FER1L6: variants seen among roughly 807,000 people sequenced by gnomAD.
FER1L6 encodes the protein fer-1-like protein 6.
FER1L6 carries 177 observed loss-of-function variants against 219.2 expected under a neutral mutation model. That is an observed-to-expected ratio of 0.81 (90% CI 0.71 to 0.91). FER1L6 has a LOEUF of 0.91. FER1L6 is among the 40% of genes least tolerant of loss of function. The pLI, the probability that FER1L6 is intolerant of heterozygous loss-of-function variation, is 0.00. For missense variants in FER1L6, 2,153 were observed against 2,259.9 expected (o/e 0.95, Z 0.96); for synonymous variants, 768 against 824.3 (o/e 0.93, Z 1.17).
At chr8:124,036,091 A>G (rs1004042302) in intron 19 of FER1L6, 1 of 152,114 alleles carries the variant, frequency 6.6e-6, no homozygotes, top group African/African-American at 2.4e-5. Context: ...AATTACTTCC[A>G]TTTATGTTAT....
rs750628607 is a variant in FER1L6, at chr8:124,023,538, C to A, written c.2228C>A (p.Ser743Tyr). The change falls in exon 18 of 41, where the codon TCC (serine) becomes TAC (tyrosine). Residue 743 changes from serine to tyrosine, a missense_variant. Transcript: ENST00000522917. ...ATCGCCTCCAAAGACCTCCTCTATT[C>A]CCCTGTCGCGGGGCAGATGGGCAAA... ...ARIASKDLLY[S>Y]PVAGQMGKHC... The A allele has an allele frequency of 2.5e-6, 4 of 1,614,160 alleles. No homozygotes were observed. The highest frequency in any genetic ancestry group is 3.4e-6 in the Non-Finnish European group (4 of 1,180,000).
Position 124,066,642 on chromosome 8 carries a change from A to C in FER1L6, c.3678+92A>C, listed in dbSNP as rs987127889. 3.9e-5 allele frequency: 55 copies of C among 1,406,856 alleles called. 1 individual carries two copies. In the South Asian group the frequency reaches 6.6e-4, roughly 17 times the overall value. 87.1% of individuals were successfully genotyped at this position (1,406,856 alleles called of 1,614,324 possible). A position where few individuals can be genotyped will look rare whatever the true frequency, so the allele number is the denominator to read the frequency against. Reference sequence around the variant, plus strand: ...TAAGTCCTACATAACCTCCTTTTAAATGCCACTATACATAGACCCTACTCA... The same window carrying C: ...TAAGTCCTACATAACCTCCTTTTAACTGCCACTATACATAGACCCTACTCA... On this transcript the variant is annotated intron_variant, in intron 27 of 40. Transcript: ENST00000522917.
intron 33 of FER1L6, 46 bp downstream of exon 33, chr8:124,082,504 G>C (rs766462415): frequency 1.4e-5 from 22 of 1,569,970 alleles, no homozygotes; most frequent in Non-Finnish European, 1.9e-5. Context: ...TGAAGCTGTT[G>C]TAGCCTTTAG....
In FER1L6 at chr8:123,952,880, C is replaced by T. The variant is rs138347174; in HGVS notation, c.-7-3112C>T. 1.7e-4 allele frequency among the ~76,000 whole-genome samples: 26 copies of T among 152,312 alleles called. No homozygotes were observed. The East Asian group carries it at 2.1e-3, about 12-fold the overall frequency. On this transcript the variant is annotated intron_variant, in intron 1 of 40. Transcript: ENST00000522917. ...ATGAATATTGTGACACTTTGTAGCA[C>T]GCTTTACACTTGACAAACATTGTTT...
At chr8:124,022,037 C>T (rs1161625471) in intron 17 of FER1L6, among the ~76,000 whole-genome samples, 1 of 152,212 alleles carries the variant, frequency 6.6e-6, no homozygotes, top group East Asian at 1.9e-4. Flanking sequence ...ACGGTGTCTT[C>T]TGGTGACTTC....
chr8:123,906,663 G>C (rs1812958382), intron 1 of FER1L6, among the ~76,000 whole-genome samples: 1 of 151,908 alleles, frequency 6.6e-6, no homozygotes, highest in Non-Finnish European at 1.5e-5. Flanking sequence ...AGCTTGGCGT[G>C]GTGGTGTGTG....
At chr8:123,929,897 A>G (rs1813704510) in intron 1 of FER1L6, among the ~76,000 whole-genome samples, 1 of 151,770 alleles carries the variant, frequency 6.6e-6, no homozygotes, top group Non-Finnish European at 1.5e-5. Context: ...TAAGATAAGT[A>G]TGTACATGAC....
chr8:123,941,848 A>G (rs1397695534), intron 1 of FER1L6, among the ~76,000 whole-genome samples: 5 of 152,222 alleles, frequency 3.3e-5, no homozygotes, highest in Admixed American at 3.3e-4. Flanking sequence ...TTGAAAGGGT[A>G]CTGGATTAGG....
At chr8:123,870,736 A>T (rs1048666656) in intron 1 of FER1L6, among the ~76,000 whole-genome samples, 6 of 152,330 alleles carry the variant, frequency 3.9e-5, no homozygotes, top group African/African-American at 1.4e-4. Context: ...TGAATACATG[A>T]CACCACATAA....
chr8:124,032,235 G>A (rs551011879), intron 18 of FER1L6, among the ~76,000 whole-genome samples: 1 of 140,524 alleles, frequency 7.1e-6, no homozygotes, highest in Non-Finnish European at 1.6e-5. Context: ...GACCAGCCTG[G>A]CCAACATGGT....
Position 124,114,908 on chromosome 8 carries a change from T to C in FER1L6, c.5290-3936T>C, listed in dbSNP as rs1250148070. Among the ~76,000 whole-genome samples, 3 of 127,878 alleles carry C rather than the reference T, an allele frequency of 2.3e-5. No individual in the cohort carries two copies. In the East Asian group the frequency reaches 6.3e-4, roughly 27 times the overall value. The allele number at this position is 127,878 out of a possible 152,430, so 83.9% of individuals were successfully genotyped here. A position where few individuals can be genotyped will look rare whatever the true frequency, so the allele number is the denominator to read the frequency against. ...GTGTGTGTGTGCGTATATATATATA[T>C]ATATATATATATATATATATATATA... On this transcript the variant is annotated intron_variant, in intron 39 of 40. Transcript: ENST00000522917.
chr8:124,039,174 A>T (rs1819350635), intron 19 of FER1L6, among the ~76,000 whole-genome samples: 1 of 152,104 alleles, frequency 6.6e-6, no homozygotes, highest in African/African-American at 2.4e-5. Flanking sequence ...CCTGCCTGTG[A>T]TGTGGGTGCT....
At chr8:123,903,763 G>A (rs951714003) in intron 1 of FER1L6, among the ~76,000 whole-genome samples, 1 of 152,196 alleles carries the variant, frequency 6.6e-6, no homozygotes, top group African/African-American at 2.4e-5. Flanking sequence ...TTCCTCAGGA[G>A]CCATGTGCCA....
At chr8:124,088,450 C>G (rs528429867) in intron 33 of FER1L6, among the ~76,000 whole-genome samples, 2 of 152,202 alleles carry the variant, frequency 1.3e-5, no homozygotes, top group African/African-American at 4.8e-5. Flanking sequence ...GGGCCAAGGT[C>G]TAGAATCAGG....
At chr8:124,118,796 C>G (rs1276018435) in intron 39 of FER1L6, 48 bp from the exon 40 acceptor site, 4 of 1,535,118 alleles carry the variant, frequency 2.6e-6, no homozygotes, top group Non-Finnish European at 3.6e-6. Context: ...GCCATTGGCT[C>G]AGTGGGTCTT....
chr8:123,986,236 A>G (rs548684559), intron 12 of FER1L6, 60 bp downstream of exon 12: 3 of 1,040,464 alleles, frequency 2.9e-6, no homozygotes, highest in Non-Finnish European at 4.5e-6. Context: ...TATTTCTTGA[A>G]TAAATGAGTT....
chr8:124,072,427 C>T (rs1234648849), intron 31 of FER1L6, among the ~76,000 whole-genome samples: 2 of 152,154 alleles, frequency 1.3e-5, no homozygotes, highest in East Asian at 3.8e-4. Flanking sequence ...GTATGAACCC[C>T]AATGGTTCAT....
intron 1 of FER1L6, among the ~76,000 whole-genome samples, chr8:123,940,153 C>T (rs1310579810): frequency 6.6e-6 from 1 of 152,150 alleles, no homozygotes; most frequent in Non-Finnish European, 1.5e-5. Flanking sequence ...TCCAAGGAAA[C>T]ACTCTGTGAC....
chr8:123,965,327 A>G (rs1217121960), intron 3 of FER1L6, among the ~76,000 whole-genome samples: 2 of 152,212 alleles, frequency 1.3e-5, no homozygotes, highest in Non-Finnish European at 2.9e-5. Flanking sequence ...AGGGGATAAA[A>G]TGCAACAGGA....
Sources: allele counts gnomAD v4.1 joint callset (sites outside exome capture counted in the v4.1 genomes callset), GRCh38; gene constraint gnomAD v4.1.1; transcripts MANE v1.5; gene names NCBI Gene and HGNC (gene_info 2026-07-23, HGNC 2026-07-21).